Variants in CNTLN observed in about 807,000 individuals in gnomAD.
CNTLN encodes the protein centlein.
CNTLN carries 212 observed loss-of-function variants against 180.0 expected under a neutral mutation model. That is an observed-to-expected ratio of 1.18 (90% confidence interval 1.05 to 1.32). The LOEUF is 1.32. CNTLN is among the 40% of genes most tolerant of loss of function. The pLI is 0.00. For missense variants in CNTLN, 2,095 were observed against 1,610.9 expected, an observed-to-expected ratio of 1.30 and a Z score of -5.14; for synonymous variants, 722 against 563.1, an observed-to-expected ratio of 1.28 and a Z score of -3.99.
rs762334829 is a variant in CNTLN, at chr9:17,394,610, T to A, written c.2156T>A (p.Met719Lys). The change falls in exon 15 of 26, where the codon ATG becomes AAG. Residue 719 changes from methionine (M) to lysine (K), a missense_variant. Coordinates refer to ENST00000380647, the MANE Select transcript of CNTLN (RefSeq NM_017738.4). ...TTAAAAGAAGGGAATAAAAAATTAA[T>A]GAAAGAAAATGATTTTCTGAAATCC... ...RKLKEGNKKLMKENDFLKSLL... is the reference protein window; with the variant it reads ...RKLKEGNKKLKKENDFLKSLL... 1.4e-5 allele frequency: 22 copies of A among 1,595,916 alleles called. No individual in the cohort carries two copies. The highest frequency in any genetic ancestry group is 1.9e-5 in the Non-Finnish European group (22 of 1,175,484).
chr9:17,340,809 CT>C lies in CNTLN; in HGVS notation c.1645-12del, dbSNP rs755547912. The C allele has an allele frequency of 5.0e-6, 8 of 1,594,732 alleles. No homozygotes were observed. Among genetic ancestry groups the C allele is most frequent in the African/African-American group, 4.1e-5 (3 of 73,914 alleles). On this transcript the variant is annotated splice_polypyrimidine_tract_variant and intron_variant, in intron 10 of 25. Coordinates refer to ENST00000380647, the MANE Select transcript of CNTLN (RefSeq NM_017738.4). ...CTTTCTTCAAACTTATATATACTTG[CT>C]TTTTTGTGTTCTACAGAGCCAAGAA...
intron 10 of CNTLN, among the ~76,000 whole-genome samples, chr9:17,340,608 G>A (rs977533484): frequency 6.6e-6 from 1 of 152,098 alleles, no homozygotes; most frequent in African/African-American, 2.4e-5. Context: ...AATTATGTGA[G>A]CAGCTTAAAA....
chr9:17,143,433 C>G, intron 2 of CNTLN, 57 bp downstream of exon 2: 2 of 1,265,026 alleles, frequency 1.6e-6, no homozygotes, highest in Non-Finnish European at 2.3e-6. Flanking sequence ...TGTTTCTCTT[C>G]ATTATTAAAG....
At chr9:17,435,989 A>G (rs1829751244) in intron 18 of CNTLN, among the ~76,000 whole-genome samples, 1 of 152,134 alleles carries the variant, frequency 6.6e-6, no homozygotes, top group South Asian at 2.1e-4. Flanking sequence ...CCTCTAGGCT[A>G]GGGGATATAA....
chr9:17,513,102 G>T, the CNTLN span, among the ~76,000 whole-genome samples: 8 of 151,946 alleles, frequency 5.3e-5, no homozygotes, highest in Admixed American at 1.3e-4. Flanking sequence ...TACAGGCCAC[G>T]GTGCCCGGCC....
At chr9:17,467,014 C>T in intron 23 of CNTLN, 123 bp downstream of exon 23, 2 of 584,548 alleles carry the variant, frequency 3.4e-6, no homozygotes, top group Non-Finnish European at 5.8e-6. Flanking sequence ...GCATCTTCTT[C>T]TACCCTATTT....
intron 25 of CNTLN, among the ~76,000 whole-genome samples, chr9:17,493,371 A>G (rs10810793): frequency 6.6e-6 from 1 of 151,792 alleles, no homozygotes; most frequent in African/African-American, 2.4e-5. Flanking sequence ...AAGAGCCAAA[A>G]TAGTATAGTC....
intron 6 of CNTLN, among the ~76,000 whole-genome samples, chr9:17,297,178 A>G (rs1818009012): frequency 1.3e-5 from 2 of 152,186 alleles, no homozygotes; most frequent in Non-Finnish European, 2.9e-5. Flanking sequence ...TCCCTAAACA[A>G]TACAGTATAA....
At chr9:17,388,845 T>C (rs924208918) in intron 14 of CNTLN, among the ~76,000 whole-genome samples, 1 of 151,826 alleles carries the variant, frequency 6.6e-6, no homozygotes, top group African/African-American at 2.4e-5. Flanking sequence ...TTTAAAATAT[T>C]AATATTTACC....
At chr9:17,264,750 C>T (rs1333914748) in intron 5 of CNTLN, among the ~76,000 whole-genome samples, 2 of 152,000 alleles carry the variant, frequency 1.3e-5, no homozygotes, top group Non-Finnish European at 2.9e-5. Flanking sequence ...TGAAGAGGTC[C>T]TTCACATCCC....
At chr9:17,314,109 G>C (rs958048592) in intron 8 of CNTLN, among the ~76,000 whole-genome samples, 4 of 152,098 alleles carry the variant, frequency 2.6e-5, no homozygotes, top group African/African-American at 7.2e-5. Context: ...TTTATATTCA[G>C]TTTAACTGAA....
Position 17,415,844 on chromosome 9 carries a change from G to A in CNTLN, c.2853G>A (p.Lys951=). The change falls in exon 17 of 26, where the codon AAG becomes AAA. Residue 951 remains lysine, a synonymous_variant. Coordinates refer to ENST00000380647, the MANE Select transcript of CNTLN (RefSeq NM_017738.4). The part of the protein sequence containing the change: ...KKPTFQKKNC[K]MQKSSHTAVP... ...CAACTTTTCAAAAGAAGAATTGCAA[G>A]ATGCAAAAGAGTTCACATACAGCAG... is the stretch of plus-strand genomic sequence containing the variant. 1 of 1,612,766 alleles carries A rather than the reference G, an allele frequency of 6.2e-7. No homozygotes were observed. Among genetic ancestry groups the A allele is most frequent in the South Asian group, 1.1e-5 (1 of 90,858 alleles).
chr9:17,196,650 A>G (rs965220503), intron 2 of CNTLN, among the ~76,000 whole-genome samples: 4 of 151,046 alleles, frequency 2.6e-5, no homozygotes, highest in African/African-American at 9.7e-5. Flanking sequence ...TTTAAATTAA[A>G]TTAATATTTT....
chr9:17,198,703 C>T (rs1822308517), intron 2 of CNTLN, among the ~76,000 whole-genome samples: 1 of 151,382 alleles, frequency 6.6e-6, no homozygotes, highest in South Asian at 2.1e-4. Flanking sequence ...CAACAGGCCC[C>T]TGTGTGTGAT....
intron 13 of CNTLN, among the ~76,000 whole-genome samples, chr9:17,370,922 C>A (rs1587807516): frequency 6.6e-6 from 1 of 151,896 alleles, no homozygotes; most frequent in African/African-American, 2.4e-5. Context: ...TTGCAACATT[C>A]ATTGTAACCT....
chr9:17,278,521 A>G (rs1189024055), intron 6 of CNTLN, among the ~76,000 whole-genome samples: 1 of 151,976 alleles, frequency 6.6e-6, no homozygotes, highest in Non-Finnish European at 1.5e-5. Flanking sequence ...TTTCTCATCA[A>G]ATTTATTCCT....
At chr9:17,311,061 G>A (rs1312119277) in intron 8 of CNTLN, among the ~76,000 whole-genome samples, 1 of 151,252 alleles carries the variant, frequency 6.6e-6, no homozygotes, top group East Asian at 2.0e-4. Flanking sequence ...TTTTGCTTTT[G>A]TTGTCCAGGC....
chr9:17,454,101 G>T (rs1830971078), intron 18 of CNTLN, among the ~76,000 whole-genome samples: 1 of 152,160 alleles, frequency 6.6e-6, no homozygotes, highest in African/African-American at 2.4e-5. Flanking sequence ...TCTGAGAATT[G>T]TGTCTACCAC....
chr9:17,445,467 A>G (rs914543110), intron 18 of CNTLN, among the ~76,000 whole-genome samples: 2 of 152,196 alleles, frequency 1.3e-5, no homozygotes, highest in African/African-American at 4.8e-5. Context: ...TTCTGCCTTG[A>G]GATTCTGTTA....
Sources: allele counts gnomAD v4.1 joint callset (sites outside exome capture counted in the v4.1 genomes callset), GRCh38; gene constraint gnomAD v4.1.1; transcripts MANE v1.5; gene names NCBI Gene and HGNC (gene_info 2026-07-23, HGNC 2026-07-21).